Variants in TAF1A observed in about 807,000 individuals in gnomAD.
The protein encoded by TAF1A is TATA box-binding protein-associated factor RNA polymerase I subunit A.
TAF1A carries 42 observed loss-of-function variants against 61.6 expected under a neutral mutation model. That is an observed-to-expected ratio of 0.68 (90% confidence interval 0.53 to 0.88). The LOEUF (loss-of-function observed/expected upper bound fraction) is 0.88, where lower values mean the gene tolerates loss of function less well. Ranked by LOEUF, TAF1A falls within the 40% of genes least tolerant of loss-of-function variation. The probability of loss-of-function intolerance (pLI) is 0.00; values close to 1 mark genes in which losing one functional copy is unlikely to be tolerated. For synonymous variants in TAF1A, 179 were observed against 177.7 expected (o/e 1.01, Z -0.06); for missense variants, 424 against 518.7 (o/e 0.82, Z 1.77).
chr1:222,583,970 G>C (rs575606488), intron 3 of TAF1A, among the ~76,000 whole-genome samples, 158 bp downstream of exon 3: 1 of 152,244 alleles, frequency 6.6e-6, no homozygotes, highest in Non-Finnish European at 1.5e-5. Context: ...AAAAAGAAGT[G>C]TGCAAAAAAG....
chr1:222,563,036 TG>T, intron 9 of TAF1A, 136 bp downstream of exon 9: 1 of 841,266 alleles, frequency 1.2e-6, no homozygotes. Context: ...CAGAAGAAAA[TG>T]TACTCAGAAA....
At chr1:222,567,292 G>A (rs1326475586) in intron 7 of TAF1A, among the ~76,000 whole-genome samples, 3 of 150,262 alleles carry the variant, frequency 2.0e-5, no homozygotes, top group Non-Finnish European at 4.4e-5. Flanking sequence ...TCAGGGGCTG[G>A]GAGGAGCAGG....
chr1:222,564,170 C>T (rs777017002), intron 7 of TAF1A, 45 bp from the exon 8 acceptor site: 1 of 1,255,624 alleles, frequency 8.0e-7, no homozygotes, highest in Non-Finnish European at 1.1e-6. Context: ...CTTGTAAAAG[C>T]ATTTCTCAAA....
chr1:222,560,774 A>G (rs1274978779), intron 10 of TAF1A, among the ~76,000 whole-genome samples: 1 of 152,172 alleles, frequency 6.6e-6, no homozygotes, highest in Non-Finnish European at 1.5e-5. Context: ...TTCTGGACAT[A>G]CTCTGTGGTA....
chr1:222,569,259 G>A, intron 7 of TAF1A: 2 of 1,379,816 alleles, frequency 1.4e-6, no homozygotes, highest in Non-Finnish European at 9.4e-7. Flanking sequence ...AAATATCAGT[G>A]CAGAGTATTC....
intron 2 of TAF1A, among the ~76,000 whole-genome samples, chr1:222,585,998 A>G (rs1020809491): frequency 6.6e-6 from 1 of 152,194 alleles, no homozygotes; most frequent in Non-Finnish European, 1.5e-5. Flanking sequence ...TATGCAAGGT[A>G]GTACTCAATT....
chr1:222,577,760 G>T, intron 4 of TAF1A, 117 bp from the exon 5 acceptor site: 1 of 902,110 alleles, frequency 1.1e-6, no homozygotes, highest in Admixed American at 2.5e-5. Flanking sequence ...CAAATAACTT[G>T]ACATGGAAAA....
chr1:222,587,326 C>A (rs1661055640), intron 2 of TAF1A, among the ~76,000 whole-genome samples: 1 of 152,154 alleles, frequency 6.6e-6, no homozygotes, highest in Non-Finnish European at 1.5e-5. Flanking sequence ...GGATTTGACT[C>A]CTGATACCAC....
chr1:222,584,569 T>C (rs1002876847), intron 2 of TAF1A, among the ~76,000 whole-genome samples: 2 of 152,184 alleles, frequency 1.3e-5, no homozygotes, highest in African/African-American at 4.8e-5. Context: ...TTCATCCTTG[T>C]ACCAAATAAT....
At chr1:222,563,949 G>T in intron 8 of TAF1A, 110 bp downstream of exon 8, 2 of 691,090 alleles carry the variant, frequency 2.9e-6, no homozygotes, top group African/African-American at 1.8e-5. Flanking sequence ...AACAGAACTT[G>T]ATTTATAAAA....
In TAF1A at chr1:222,563,285, GTTC is replaced by G. The variant is rs759862116; in HGVS notation, c.970_972del (p.Glu324del). The G allele has an allele frequency of 2.4e-4, 392 of 1,612,076 alleles. No homozygotes were observed. The highest frequency in any genetic ancestry group is 3.2e-4 in the Non-Finnish European group (381 of 1,179,384). The stretch of plus-strand genomic sequence containing the variant: ...AATACCTCCAACCCCAGTTTACGGT[GTTC>G]TTCTTTTTCTGCAATGGTTTTAACA... On this transcript the variant is annotated inframe_deletion, in exon 9 of 11. Transcript: ENST00000352967.
chr1:222,571,681 A>G (rs1274567622), intron 5 of TAF1A, among the ~76,000 whole-genome samples: 1 of 152,100 alleles, frequency 6.6e-6, no homozygotes, highest in African/African-American at 2.4e-5. Context: ...GAGATGCAAA[A>G]TTTTACTCTG....
chr1:222,569,905 G>T (rs1203909768), intron 6 of TAF1A, among the ~76,000 whole-genome samples: 1 of 152,172 alleles, frequency 6.6e-6, no homozygotes, highest in Non-Finnish European at 1.5e-5. Flanking sequence ...TCGAAAATGT[G>T]ATGCAGCTAA....
intron 1 of TAF1A, among the ~76,000 whole-genome samples, chr1:222,589,271 CTA>C (rs1189985908): frequency 6.6e-6 from 1 of 152,162 alleles, no homozygotes; most frequent in Non-Finnish European, 1.5e-5. Flanking sequence ...GCCCCTGATA[CTA>C]CCTCCAAATT....
At chr1:222,572,633 T>A (rs1172459668) in intron 5 of TAF1A, among the ~76,000 whole-genome samples, 1 of 152,196 alleles carries the variant, frequency 6.6e-6, no homozygotes, top group Non-Finnish European at 1.5e-5. Context: ...GTGCTAGGAT[T>A]ACAGGCATGG....
At chr1:222,558,891 T>A (rs779637248) in intron 10 of TAF1A, 119 bp from the exon 11 acceptor site, 24 of 476,506 alleles carry the variant, frequency 5.0e-5, no homozygotes, top group Non-Finnish European at 7.9e-5. Context: ...ATAGATTTAT[T>A]TGTATTATCA....
At chr1:222,573,932 A>G (rs1480237526) in intron 5 of TAF1A, among the ~76,000 whole-genome samples, 1 of 152,170 alleles carries the variant, frequency 6.6e-6, no homozygotes, top group Non-Finnish European at 1.5e-5. Context: ...ATGAAGTACC[A>G]TTACATGCTA....
chr1:222,588,714 T>C (rs1044640909), intron 1 of TAF1A, 149 bp from the exon 2 acceptor site: 5 of 805,308 alleles, frequency 6.2e-6, no homozygotes, highest in Non-Finnish European at 9.0e-6. Flanking sequence ...AAGTAAAAAA[T>C]GAATTTAACT....
intron 1 of TAF1A, among the ~76,000 whole-genome samples, chr1:222,589,356 C>T (rs3008649): frequency 1 from 151,613 of 152,318 alleles, 75,459 homozygotes; most frequent in Middle Eastern, 1. Context: ...CCTAGATTAC[C>T]GCATCAGCTT....
Sources: gnomAD v4.1 joint callset for allele counts (sites outside exome capture counted in the v4.1 genomes callset) on GRCh38, gnomAD v4.1.1 for gene constraint, MANE v1.5 for transcripts, NCBI Gene and HGNC (gene_info 2026-07-23, HGNC 2026-07-21) for gene names.